EVC2: variants seen among roughly 807,000 people sequenced by gnomAD.
EVC2 encodes the protein limbin.
A neutral mutation model predicts 149.3 loss-of-function variants in EVC2; 148 were observed. That is an observed-to-expected ratio of 0.99 (90% confidence interval 0.87 to 1.14). The LOEUF is 1.14. Among genes scored for constraint, EVC2 ranks in the 50% most tolerant of loss-of-function variants. The pLI is 0.00. For missense variants in EVC2, 1,854 were observed against 1,627.3 expected (o/e 1.14, Z -2.40); for synonymous variants, 776 against 649.9 (o/e 1.19, Z -2.95).
chr4:5,673,609 A>T (rs1719805250), intron 7 of EVC2, among the ~76,000 whole-genome samples: 1 of 152,198 alleles, frequency 6.6e-6, no homozygotes, highest in African/African-American at 2.4e-5. Flanking sequence ...TCTGGAAAAG[A>T]ATCATCCACG....
chr4:5,685,477 C>T lies in EVC2; in HGVS notation c.709G>A (p.Gly237Arg). 6.2e-7 allele frequency: 1 copy of T among 1,614,048 alleles called. No homozygotes were observed. Among genetic ancestry groups the T allele is most frequent in the Non-Finnish European group, 8.5e-7 (1 of 1,179,958 alleles). ...GCGTAGCTGACAGCAAAGGCATCTC[C>T]CACTGCGCAGAGAAAAGCACATGTG... ...QAFSKKFLQV[G>R]DAFAVSYAAT... Residue 237 changes from glycine (G) to arginine (R), a missense_variant and splice_region_variant, in exon 6 of 22, where the codon GGA becomes AGA. Coordinates refer to ENST00000344408, the MANE Select transcript of EVC2 (RefSeq NM_147127.5).
chr4:5,547,661 T>C (rs1164806286), intron 21 of EVC2, among the ~76,000 whole-genome samples: 1 of 152,196 alleles, frequency 6.6e-6, no homozygotes, highest in African/African-American at 2.4e-5. Flanking sequence ...TCTGAGCTAC[T>C]GTGTCACTCA....
At chr4:5,680,812 A>C (rs1257931287) in intron 7 of EVC2, among the ~76,000 whole-genome samples, 1 of 152,270 alleles carries the variant, frequency 6.6e-6, no homozygotes, top group Non-Finnish European at 1.5e-5. Context: ...TACATGAGTG[A>C]GTGAACATGT....
intron 4 of EVC2, 106 bp from the exon 5 acceptor site, chr4:5,689,449 GGGTAGCAC>G (rs1369310614): frequency 9.0e-7 from 1 of 1,105,360 alleles, no homozygotes; most frequent in African/African-American, 1.5e-5. Context: ...GGAAGAAGGA[GGGTAGCAC>G]GGTCTCGCAG....
chr4:5,628,817 T>A, intron 11 of EVC2, 83 bp from the exon 12 acceptor site: 1 of 1,385,012 alleles, frequency 7.2e-7, no homozygotes. Flanking sequence ...AATATTATTT[T>A]TCCTTTTATA....
At position 5,640,735 on chromosome 4, in the gene EVC2, T is replaced by G. The variant is rs778036688; in HGVS notation, c.1249A>C (p.Ser417Arg). 6.2e-7 allele frequency: 1 copy of G among 1,614,172 alleles called. No homozygotes were observed. The highest frequency in any genetic ancestry group is 8.5e-7 in the Non-Finnish European group (1 of 1,180,026). Residue 417 changes from serine to arginine, a missense_variant, in exon 10 of 22, where the codon AGT (serine) becomes CGT (arginine). Ser to Arg is a moderately radical substitution (Grantham distance 110). Coordinates refer to ENST00000344408, the MANE Select transcript of EVC2 (RefSeq NM_147127.5). The surrounding 1 kb of genome is among the most constrained non-coding windows in gnomAD (Gnocchi z 4.6). ...IALLLKNLTSSGHLSPQVERK... is the reference protein window; with the variant it reads ...IALLLKNLTSRGHLSPQVERK... ...TCTACTTGGGGTGAGAGGTGGCCAC[T>G]GCTGGTGAGATTTTTCAGCAGAAGG...
Position 5,686,845 on chromosome 4 carries a change from G to A in EVC2, c.707-1366C>T, listed in dbSNP as rs552443315. On this transcript the variant is annotated intron_variant, in intron 5 of 21. Transcript: ENST00000344408. The surrounding 1 kb of genome is among the most constrained non-coding windows in gnomAD (Gnocchi z 5.4). The stretch of plus-strand genomic sequence containing the variant: ...GAAAATCAATGTCACATTCCTTGGC[G>A]TAGCGGTGAGTTCACAGATAAATAT... Among the ~76,000 whole-genome samples, 7 of 152,126 alleles carry A rather than the reference G, an allele frequency of 4.6e-5. No homozygotes were observed. The highest frequency in any genetic ancestry group is 2.1e-4 in the South Asian group (1 of 4,814).
At chr4:5,683,504 C>T (rs760164852) in intron 6 of EVC2, among the ~76,000 whole-genome samples, 1 of 152,190 alleles carries the variant, frequency 6.6e-6, no homozygotes, top group Admixed American at 6.5e-5. Flanking sequence ...GCACCTATTA[C>T]GTGCAGGGTT....
intron 21 of EVC2, chr4:5,543,332 T>C (rs992202867): frequency 8.7e-6 from 4 of 458,272 alleles, no homozygotes; most frequent in East Asian, 7.3e-5. Context: ...CCCTTCTTAA[T>C]GACACAGTGA....
chr4:5,606,568 A>G (rs1272359488), intron 16 of EVC2, among the ~76,000 whole-genome samples: 2 of 152,164 alleles, frequency 1.3e-5, no homozygotes, highest in East Asian at 1.9e-4. Context: ...AGAGAACACA[A>G]TGAAATCCAG....
intron 9 of EVC2, among the ~76,000 whole-genome samples, chr4:5,662,334 AC>A (rs1303420708): frequency 2.0e-5 from 3 of 151,196 alleles, no homozygotes; most frequent in African/African-American, 4.9e-5. Context: ...TGTACAACAA[AC>A]CCCCTGTGAC....
intron 5 of EVC2, among the ~76,000 whole-genome samples, chr4:5,688,322 C>T (rs760960126): frequency 1.3e-5 from 2 of 152,030 alleles, no homozygotes; most frequent in East Asian, 1.9e-4. Flanking sequence ...GAGTTCCAGG[C>T]GTGTGAGAAG....
chr4:5,533,620 G>A, the EVC2 span, among the ~76,000 whole-genome samples: 1 of 152,218 alleles, frequency 6.6e-6, no homozygotes, highest in Non-Finnish European at 1.5e-5. Context: ...AGGGGCAGAA[G>A]AGCCGCCAGG....
intron 21 of EVC2, among the ~76,000 whole-genome samples, chr4:5,550,802 G>A (rs181176344): frequency 9.5e-4 from 145 of 152,328 alleles, no homozygotes; most frequent in African/African-American, 2.9e-3. Flanking sequence ...CCTGGCCCAC[G>A]GTCCCCATGC....
rs924657792 is a variant in EVC2 at position 5,567,589 on chromosome 4, G to A, written c.3557+855C>T. On this transcript the variant is annotated intron_variant, in intron 20 of 21. Coordinates refer to ENST00000344408, the MANE Select transcript of EVC2 (RefSeq NM_147127.5). This position sits in a 1 kb window ranked among gnomAD's most constrained non-coding sequence, Gnocchi z 4.4. ...ACTCCATCCTCAAGGGGTACTGCTG[G>A]CTGCCCCCCAAACCCGCCTTACTCC... 1.1e-4 allele frequency among the ~76,000 whole-genome samples: 16 copies of A among 151,896 alleles called. No homozygotes were observed. The highest frequency in any genetic ancestry group is 3.9e-4 in the African/African-American group (16 of 41,322).
chr4:5,604,631 G>A (rs1714244184), intron 16 of EVC2, among the ~76,000 whole-genome samples: 1 of 151,816 alleles, frequency 6.6e-6, no homozygotes, highest in Non-Finnish European at 1.5e-5. Flanking sequence ...GTGTTCAACA[G>A]CAGATTAGGG....
chr4:5,694,643 T>C (rs898014543), intron 2 of EVC2, 142 bp from the exon 3 acceptor site: 65 of 876,840 alleles, frequency 7.4e-5, no homozygotes, highest in Non-Finnish European at 3.9e-5. Context: ...AAGGAATGAA[T>C]GATATCATCT....
intron 6 of EVC2, among the ~76,000 whole-genome samples, chr4:5,683,959 C>T (rs1310974459): frequency 2.6e-5 from 4 of 152,138 alleles, no homozygotes; most frequent in Non-Finnish European, 5.9e-5. Flanking sequence ...CACAGCTGCC[C>T]GGGGCTTCAG....
chr4:5,583,802 C>G (rs1712022760), intron 17 of EVC2, among the ~76,000 whole-genome samples: 1 of 150,952 alleles, frequency 6.6e-6, no homozygotes, highest in Admixed American at 6.6e-5. Context: ...TTCACTTTAT[C>G]AATTCTATGG....
Sources: gnomAD v4.1 joint callset for allele counts (sites outside exome capture counted in the v4.1 genomes callset) on GRCh38, gnomAD v4.1.1 for gene constraint, Gnocchi (gnomAD v3.1) non-coding constraint, MANE v1.5 for transcripts, NCBI Gene and HGNC (gene_info 2026-07-23, HGNC 2026-07-21) for gene names.